The following FBXO34 variants were observed in gnomAD, a reference collection of about 807,000 sequenced individuals.
The protein encoded by FBXO34 is F-box only protein 34.
In FBXO34, 12 loss-of-function variants were observed where a neutral mutation model predicts 24.5. The observed-to-expected ratio is 0.49, with a 90% CI of 0.31 to 0.79. FBXO34 has a LOEUF of 0.79. Among genes scored for constraint, FBXO34 ranks in the 30% least tolerant of loss-of-function variants. FBXO34 has a pLI of 0.04. For missense variants in FBXO34, 823 were observed against 857.7 expected (o/e 0.96, Z 0.51); for synonymous variants, 320 against 311.9 (o/e 1.03, Z -0.27).
chr14:55,337,737 A>G (rs1307095898), intron 1 of FBXO34, among the ~76,000 whole-genome samples: 1 of 152,222 alleles, frequency 6.6e-6, no homozygotes, highest in Non-Finnish European at 1.5e-5. Flanking sequence ...AATGAATTTA[A>G]TTTTAAGTAA....
chr14:55,343,289 C>T (rs1315644523), intron 1 of FBXO34, among the ~76,000 whole-genome samples: 1 of 141,112 alleles, frequency 7.1e-6, no homozygotes, highest in Non-Finnish European at 1.5e-5. Context: ...CTTGCTCTGT[C>T]GCCCAGAACT....
At chr14:55,378,297 C>T in the FBXO34 span, among the ~76,000 whole-genome samples, 1 of 152,146 alleles carries the variant, frequency 6.6e-6, no homozygotes, top group Admixed American at 6.5e-5. Flanking sequence ...CAAGCAATTC[C>T]ACGTCAGGAC....
At chr14:55,287,307 G>A (rs1028059873) in intron 1 of FBXO34, among the ~76,000 whole-genome samples, 8 of 152,116 alleles carry the variant, frequency 5.3e-5, no homozygotes, top group Admixed American at 2.0e-4. Context: ...TGTTAGCAAA[G>A]GTGTCACAAT....
chr14:55,418,997 T>G, the FBXO34 span, among the ~76,000 whole-genome samples: 1 of 152,214 alleles, frequency 6.6e-6, no homozygotes, highest in Non-Finnish European at 1.5e-5. Flanking sequence ...AATGGCAGAT[T>G]ATGATTAAAA....
At chr14:55,436,604 T>C in the FBXO34 span, 2 of 1,614,206 alleles carry the variant, frequency 1.2e-6, no homozygotes, top group Admixed American at 1.7e-5. Flanking sequence ...ATAGGGGTCA[T>C]TGGTGTCATG....
chr14:55,354,016 C>T (rs575649039), downstream of FBXO34, among the ~76,000 whole-genome samples: 4 of 152,096 alleles, frequency 2.6e-5, no homozygotes, highest in African/African-American at 2.4e-5. Context: ...CGAGTACCCA[C>T]CAAAAAGCCT....
chr14:55,352,793 T>C lies in FBXO34; in HGVS notation c.*267T>C, dbSNP rs762357432. ...GGCTGTGAATAACTGCCTGTTTTCCTAAATCAAACCCATCCTCAAAGGATG... is the reference window on the plus strand; with the variant it reads ...GGCTGTGAATAACTGCCTGTTTTCCCAAATCAAACCCATCCTCAAAGGATG... On this transcript the variant is annotated 3_prime_UTR_variant, in exon 2 of 2. Transcript: ENST00000313833. The C allele has an allele frequency of 2.1e-5, 8 of 386,884 alleles. No homozygotes were observed. The highest frequency in any genetic ancestry group is 3.9e-5 in the Non-Finnish European group (8 of 206,574). 24.0% of individuals were successfully genotyped at this position (386,884 alleles called of 1,614,324 possible).
chr14:55,319,253 G>A (rs1167357935), intron 1 of FBXO34, among the ~76,000 whole-genome samples: 1 of 152,104 alleles, frequency 6.6e-6, no homozygotes, highest in Non-Finnish European at 1.5e-5. Flanking sequence ...ATAAATACCT[G>A]TTCAAGTTTC....
chr14:55,409,522 T>C, the FBXO34 span, among the ~76,000 whole-genome samples: 2 of 151,520 alleles, frequency 1.3e-5, no homozygotes, highest in African/African-American at 2.4e-5. Context: ...AGCATTTTAA[T>C]AGAAGGATCA....
the FBXO34 span, among the ~76,000 whole-genome samples, chr14:55,400,478 T>G: frequency 2.0e-4 from 31 of 152,216 alleles, no homozygotes; most frequent in Admixed American, 3.9e-4. Context: ...CCATATAATT[T>G]ATTTATATAA....
At chr14:55,307,193 A>G (rs1372825742) in intron 1 of FBXO34, among the ~76,000 whole-genome samples, 1 of 152,224 alleles carries the variant, frequency 6.6e-6, no homozygotes, top group Non-Finnish European at 1.5e-5. Context: ...ACAGGAGGGC[A>G]TGACAGATAA....
At chr14:55,367,426 A>T (rs1447016076) in exon 3 of FBXO34, 1 of 152,232 alleles carries the variant, frequency 6.6e-6, no homozygotes, top group Admixed American at 6.5e-5. Flanking sequence ...AGCACTTAAA[A>T]CAGAGATCCC....
chr14:55,331,682 T>C (rs1236449171), intron 1 of FBXO34, among the ~76,000 whole-genome samples: 1 of 67,386 alleles, frequency 1.5e-5, no homozygotes, highest in Non-Finnish European at 2.4e-5. Context: ...TATATATATA[T>C]ATGTGTATAT....
chr14:55,323,542 C>T (rs1883240684), intron 1 of FBXO34, among the ~76,000 whole-genome samples: 1 of 151,638 alleles, frequency 6.6e-6, no homozygotes, highest in Admixed American at 6.6e-5. Context: ...GCCACCACGT[C>T]CAGCTAATTT....
the FBXO34 span, among the ~76,000 whole-genome samples, chr14:55,419,804 A>G: frequency 2.6e-5 from 4 of 152,212 alleles, no homozygotes; most frequent in Non-Finnish European, 5.9e-5. Context: ...ACAGTTCCCA[A>G]CTAGGCAAGA....
intron 1 of FBXO34, among the ~76,000 whole-genome samples, chr14:55,299,831 G>A (rs1008060739): frequency 5.9e-5 from 9 of 152,108 alleles, no homozygotes; most frequent in African/African-American, 1.4e-4. Context: ...GGTGGAATCC[G>A]TATAAGAAAC....
At chr14:55,402,004 C>A in the FBXO34 span, among the ~76,000 whole-genome samples, 2 of 152,178 alleles carry the variant, frequency 1.3e-5, no homozygotes, top group African/African-American at 4.8e-5. Context: ...CCACTCTGTT[C>A]CCCGGCTACA....
Position 55,323,238 on chromosome 14 carries a change from T to A in FBXO34, c.-10-27143T>A, listed in dbSNP as rs1416486569. Among the ~76,000 whole-genome samples the A allele has an allele frequency of 6.2e-5, 7 of 113,004 alleles. 1 individual carries two copies. The highest frequency in any genetic ancestry group is 2.5e-4 in the African/African-American group (5 of 20,202). The allele number at this position is 113,004 out of a possible 152,430, so 74.1% of individuals were successfully genotyped here. ...AAAAAAATATATATTTTTTTTTTTT[T>A]TTTTTTTTTTAGAGACAGAGTCTCA... is the stretch of plus-strand genomic sequence containing the variant. On this transcript the variant is annotated intron_variant, in intron 1 of 1. Transcript: ENST00000313833.
At chr14:55,337,476 A>G (rs1436988320) in intron 1 of FBXO34, among the ~76,000 whole-genome samples, 2 of 152,214 alleles carry the variant, frequency 1.3e-5, no homozygotes, top group African/African-American at 2.4e-5. Context: ...GCTCAAGACT[A>G]TCATATTCAA....
Sources: allele counts gnomAD v4.1 joint callset (sites outside exome capture counted in the v4.1 genomes callset), GRCh38; gene constraint gnomAD v4.1.1; transcripts MANE v1.5; gene names NCBI Gene and HGNC (gene_info 2026-07-23, HGNC 2026-07-21).